YAE1: variants seen among roughly 807,000 people sequenced by gnomAD.
The protein encoded by YAE1 is protein YAE1 homolog.
A neutral mutation model predicts 23.0 loss-of-function variants in YAE1; 22 were observed. The observed-to-expected ratio is 0.96, with a 90% CI of 0.68 to 1.37. The LOEUF is 1.37. Ranked by LOEUF, YAE1 falls within the 40% of genes most tolerant of loss-of-function variation. The probability of loss-of-function intolerance (pLI) is 0.00; values close to 1 mark genes in which losing one functional copy is unlikely to be tolerated. For synonymous variants in YAE1, 101 were observed against 97.0 expected (o/e 1.04, Z -0.24); for missense variants, 260 against 262.1 (o/e 0.99, Z 0.06).
At chr7:39,588,624 GAGA>G (rs1790857284) in intron 2 of YAE1, among the ~76,000 whole-genome samples, 1 of 151,990 alleles carries the variant, frequency 6.6e-6, no homozygotes, top group South Asian at 2.1e-4. Flanking sequence ...CGTCTCAAAG[GAGA>G]AGACTTTGAT....
At chr7:39,575,344 A>G (rs1170612765), downstream of YAE1, among the ~76,000 whole-genome samples, 1 of 152,166 alleles carries the variant, frequency 6.6e-6, no homozygotes, top group Non-Finnish European at 1.5e-5. Flanking sequence ...AAATGTTGTG[A>G]TATGTAAAGG....
At chr7:39,566,577 T>C in intron 1 of YAE1, 30 bp downstream of exon 1, 1 of 1,611,766 alleles carries the variant, frequency 6.2e-7, no homozygotes, top group Non-Finnish European at 8.5e-7. Flanking sequence ...CGCGGGGTGC[T>C]GGGTTGTGGG....
At position 39,591,366 on chromosome 7, in the gene YAE1, G is replaced by A. The variant is rs548726015; in HGVS notation, c.252-18251G>A. On this transcript the variant is annotated intron_variant, in intron 2 of 2. Coordinates refer to the YAE1 transcript ENST00000432096. ...AGATAAAACATGGAGGATACTGTTC[G>A]ACACATAGTACTAAATACTTTTTAA... Among the ~76,000 whole-genome samples the A allele has an allele frequency of 2.0e-4, 30 of 152,284 alleles. No individual in the cohort carries two copies. In the East Asian group the frequency reaches 4.8e-3, roughly 24 times the overall value.
At chr7:39,582,825 G>A (rs1032670515) in intron 2 of YAE1, among the ~76,000 whole-genome samples, 1 of 152,190 alleles carries the variant, frequency 6.6e-6, no homozygotes, top group Non-Finnish European at 1.5e-5. Context: ...GAGAAAGTCA[G>A]GCAAAGTAAG....
chr7:39,603,239 C>T (rs918447443), intron 2 of YAE1, among the ~76,000 whole-genome samples: 13 of 151,724 alleles, frequency 8.6e-5, no homozygotes, highest in African/African-American at 3.1e-4. Context: ...GCAGGGTTCA[C>T]GCCATTCTCC....
In YAE1 at chr7:39,588,889, T is replaced by C. The variant is rs1193662981; in HGVS notation, c.251+18262T>C. On this transcript the variant is annotated intron_variant, in intron 2 of 2. Coordinates refer to the YAE1 transcript ENST00000432096. ...CCCAAGCTGGAGTGCAGTGGCATGA[T>C]CTTGGCTCACTGCAACCTCCGTCTT... is the stretch of plus-strand genomic sequence containing the variant. Among the ~76,000 whole-genome samples the C allele has an allele frequency of 2.6e-5, 4 of 152,012 alleles. No individual in the cohort carries two copies. In the East Asian group the frequency reaches 7.7e-4, roughly 29 times the overall value.
chr7:39,610,315 C>T (rs1298414449), exon 3 of YAE1: 9 of 489,680 alleles, frequency 1.8e-5, no homozygotes, highest in Non-Finnish European at 3.5e-5. Context: ...CCAGGTTTGA[C>T]CTCAAGGCAT....
At chr7:39,602,898 G>A (rs749978614) in intron 2 of YAE1, among the ~76,000 whole-genome samples, 7 of 151,306 alleles carry the variant, frequency 4.6e-5, no homozygotes, top group East Asian at 4.0e-4. Context: ...ACAGGCGTGC[G>A]CCACCACACC....
chr7:39,598,812 G>T (rs1384723930), intron 2 of YAE1, among the ~76,000 whole-genome samples: 1 of 150,286 alleles, frequency 6.7e-6, no homozygotes. Flanking sequence ...AGAAGAAGAA[G>T]AAGGCAACAA....
chr7:39,600,644 G>A (rs770534709), intron 2 of YAE1, among the ~76,000 whole-genome samples: 4 of 152,068 alleles, frequency 2.6e-5, no homozygotes, highest in African/African-American at 9.7e-5. Flanking sequence ...TGATCCACCC[G>A]CCTCGGCCTC....
chr7:39,571,681 T>G (rs1296387476), intron 2 of YAE1, among the ~76,000 whole-genome samples: 2 of 152,248 alleles, frequency 1.3e-5, no homozygotes, highest in East Asian at 1.9e-4. Context: ...ATCATTATTT[T>G]ATGACATGAC....
chr7:39,584,108 A>G (rs772259799), intron 2 of YAE1, among the ~76,000 whole-genome samples: 1 of 152,174 alleles, frequency 6.6e-6, no homozygotes, highest in Non-Finnish European at 1.5e-5. Context: ...GCAGAACTAA[A>G]GGTAATTAGC....
At chr7:39,569,444 T>C in intron 1 of YAE1, 1 of 490,460 alleles carries the variant, frequency 2.0e-6, no homozygotes, top group Non-Finnish European at 4.0e-6. Flanking sequence ...TCTTTGTTCC[T>C]TCTTTACTTT....
At chr7:39,578,148 T>C (rs990180825) in intron 2 of YAE1, among the ~76,000 whole-genome samples, 1 of 151,254 alleles carries the variant, frequency 6.6e-6, no homozygotes, top group African/African-American at 2.4e-5. Flanking sequence ...TGGAGGATTG[T>C]AAATGCACCA....
exon 3 of YAE1, chr7:39,609,885 C>T: frequency 6.5e-7 from 1 of 1,533,762 alleles, no homozygotes; most frequent in Non-Finnish European, 8.7e-7. Flanking sequence ...CCACCGCGAC[C>T]CTGCAGCAGC....
exon 3 of YAE1, chr7:39,609,742 A>T (rs1791181514): frequency 6.5e-7 from 1 of 1,535,276 alleles, no homozygotes; most frequent in African/African-American, 1.4e-5. Flanking sequence ...ACACCGAAGC[A>T]GCCCACGGAG....
At chr7:39,575,777 C>T (rs17171603), downstream of YAE1, among the ~76,000 whole-genome samples, 22,381 of 152,168 alleles carry the variant, frequency 0.15, 1,776 homozygotes, top group African/African-American at 0.22. Flanking sequence ...TTCTCATGCA[C>T]TCTCCACCTT....
In YAE1 at chr7:39,572,413, G is replaced by T. The variant is rs200917048; in HGVS notation, c.388G>T (p.Val130Phe). ...GAAATCAATCACTCCACCGTCCCAT[G>T]TTGTAGATTTATTGGACTCCATTGA... is the stretch of plus-strand genomic sequence containing the variant. ...HLKSITPPSHVVDLLDSIEDM... is the reference protein window; with the variant it reads ...HLKSITPPSHFVDLLDSIEDM... Residue 130 changes from valine (V) to phenylalanine (F), a missense_variant, in exon 3 of 3, where the codon GTT (valine) becomes TTT (phenylalanine). Transcript: ENST00000223273. 1.5e-4 allele frequency: 244 copies of T among 1,614,138 alleles called. No homozygotes were observed. The East Asian group carries it at 5.3e-3, about 35-fold the overall frequency.
downstream of YAE1, among the ~76,000 whole-genome samples, chr7:39,573,170 T>C (rs772151860): frequency 2.0e-5 from 3 of 152,142 alleles, no homozygotes; most frequent in Non-Finnish European, 4.4e-5. Context: ...TATATTGAAA[T>C]TAAGAGACTG....
Sources: allele counts gnomAD v4.1 joint callset (sites outside exome capture counted in the v4.1 genomes callset), GRCh38; gene constraint gnomAD v4.1.1; transcripts MANE v1.5; gene names NCBI Gene and HGNC (gene_info 2026-07-23, HGNC 2026-07-21).